Variants in SEC23A observed in about 807,000 individuals in gnomAD.
SEC23A encodes the protein SEC23 homolog A, COPII component, also known as protein transport protein Sec23A.
In SEC23A, 56 loss-of-function variants were observed where a neutral mutation model predicts 103.7. The ratio of observed to expected loss-of-function variants is 0.54; its 90% confidence interval spans 0.44 to 0.67. The LOEUF (loss-of-function observed/expected upper bound fraction) is 0.67, where lower values mean the gene tolerates loss of function less well. Among genes scored for constraint, SEC23A ranks in the 30% least tolerant of loss-of-function variants. The pLI, the probability that SEC23A is intolerant of heterozygous loss-of-function variation, is 0.00. For synonymous variants in SEC23A, 281 were observed against 293.0 expected (o/e 0.96, Z 0.42); for missense variants, 784 against 936.4 (o/e 0.84, Z 2.12).
intron 9 of SEC23A, among the ~76,000 whole-genome samples, chr14:39,073,700 C>G (rs543256480): frequency 6.8e-6 from 1 of 147,060 alleles, no homozygotes; most frequent in South Asian, 2.2e-4. Context: ...ACCTCTGCCA[C>G]CCGGGTTCAA....
chr14:39,044,441 ATATTTTACCCAT>A (rs1885761223), intron 16 of SEC23A, among the ~76,000 whole-genome samples: 1 of 151,414 alleles, frequency 6.6e-6, no homozygotes, highest in Non-Finnish European at 1.5e-5. Context: ...ACGAAATAAA[ATATTTTACCCAT>A]TATTTTACAA....
At chr14:39,041,798 G>A (rs917587268) in intron 17 of SEC23A, among the ~76,000 whole-genome samples, 5 of 150,614 alleles carry the variant, frequency 3.3e-5, no homozygotes, top group African/African-American at 9.7e-5. Flanking sequence ...GAACCCGGGA[G>A]GCAGAGGCTG....
intron 7 of SEC23A, 31 bp downstream of exon 7, chr14:39,085,729 CTT>C (rs1887420384): frequency 6.3e-7 from 1 of 1,576,226 alleles, no homozygotes; most frequent in Non-Finnish European, 8.7e-7. Flanking sequence ...CACACACACA[CTT>C]TACATTCCAA....
intron 4 of SEC23A, 147 bp from the exon 5 acceptor site, chr14:39,091,860 G>A (rs759295737): frequency 2.8e-5 from 19 of 670,558 alleles, no homozygotes; most frequent in Non-Finnish European, 4.7e-5. Flanking sequence ...TACTGTCATG[G>A]AGAGAGATCT....
In SEC23A at chr14:39,055,430, CAG is replaced by C. The variant is rs1465631368; in HGVS notation, c.1506-136_1506-135del. ...CTAGGATTTTTTTTTTTTTTTGAGA[CAG>C]AGTCTCGCTCTGTCACCTAGGCTGC... is the stretch of plus-strand genomic sequence containing the variant. On this transcript the variant is annotated intron_variant, in intron 13 of 19. Transcript: ENST00000307712. 1.2e-5 allele frequency: 9 copies of C among 768,158 alleles called. No individual in the cohort carries two copies. The East Asian group carries it at 1.8e-4, about 15-fold the overall frequency. The allele number at this position is 768,158 out of a possible 1,614,324, so 47.6% of individuals were successfully genotyped here.
At chr14:39,034,039 A>C (rs1885386087) in intron 19 of SEC23A, among the ~76,000 whole-genome samples, 1 of 152,236 alleles carries the variant, frequency 6.6e-6, no homozygotes, top group Non-Finnish European at 1.5e-5. Flanking sequence ...GTGAGATGAG[A>C]ACTTATAGCT....
At chr14:39,095,518 G>A (rs376967645) in intron 2 of SEC23A, among the ~76,000 whole-genome samples, 60 of 151,924 alleles carry the variant, frequency 3.9e-4, no homozygotes, top group Admixed American at 1.3e-3. Flanking sequence ...GGCTGGTCTC[G>A]AACTCCTGAC....
rs758424981 is a variant in SEC23A, at chr14:39,039,085, G to A, written c.2154C>T (p.Leu718=). The change falls in exon 19 of 20, where the codon CTC becomes CTT. Residue 718 remains leucine (L), a synonymous_variant. Coordinates refer to ENST00000307712, the MANE Select transcript of SEC23A (RefSeq NM_006364.4). ...TEHGGSQARF[L]LSKVNPSQTH... ...TCTGTGAAGGGTTGACTTTTGAAAG[G>A]AGGAAACGGGCCTTAAAAGCAAAGA... The A allele has an allele frequency of 5.6e-6, 9 of 1,613,446 alleles. No homozygotes were observed. In the Admixed American group the frequency reaches 1.3e-4, roughly 24 times the overall value.
chr14:39,094,436 ATATATATTTT>A (rs1259347349), intron 2 of SEC23A, among the ~76,000 whole-genome samples: 327 of 21,518 alleles, frequency 0.015, 58 homozygotes, highest in Middle Eastern at 0.025. Context: ...ATATATATAT[ATATATATTTT>A]TTTTTTTTTT....
At chr14:39,100,833 G>A (rs1167238379) in intron 1 of SEC23A, among the ~76,000 whole-genome samples, 1 of 151,946 alleles carries the variant, frequency 6.6e-6, no homozygotes, top group Non-Finnish European at 1.5e-5. Context: ...TTAGAATGCA[G>A]ACTTAGCATA....
At chr14:39,083,844 C>A (rs1437431771) in intron 7 of SEC23A, among the ~76,000 whole-genome samples, 1 of 151,864 alleles carries the variant, frequency 6.6e-6, no homozygotes, top group Non-Finnish European at 1.5e-5. Context: ...GGATTACAGG[C>A]GTGAGCCAAC....
At chr14:39,084,398 G>T (rs1373490159) in intron 7 of SEC23A, among the ~76,000 whole-genome samples, 2 of 152,090 alleles carry the variant, frequency 1.3e-5, no homozygotes, top group Non-Finnish European at 2.9e-5. Flanking sequence ...TCCACTTATT[G>T]TATCACTGTT....
intron 7 of SEC23A, among the ~76,000 whole-genome samples, chr14:39,077,420 G>A (rs367973886): frequency 1.5e-4 from 22 of 151,708 alleles, no homozygotes; most frequent in African/African-American, 5.3e-4. Flanking sequence ...GCGGGCGCCT[G>A]TAATTCCAGC....
intron 2 of SEC23A, among the ~76,000 whole-genome samples, chr14:39,093,817 A>G (rs1887748512): frequency 6.6e-6 from 1 of 151,898 alleles, no homozygotes; most frequent in African/African-American, 2.4e-5. Flanking sequence ...AAATAATCCT[A>G]TTTTTTTCTT....
intron 17 of SEC23A, among the ~76,000 whole-genome samples, chr14:39,042,319 T>TGC (rs1278372477): frequency 1.3e-5 from 2 of 152,274 alleles, no homozygotes; most frequent in African/African-American, 4.8e-5. Flanking sequence ...TAAAATCTTC[T>TGC]GCTCTCTGTA....
chr14:39,083,798 C>T (rs1222717644), intron 7 of SEC23A, among the ~76,000 whole-genome samples: 2 of 151,770 alleles, frequency 1.3e-5, no homozygotes, highest in Non-Finnish European at 2.9e-5. Flanking sequence ...CTCCTGACCT[C>T]AAGAGATCCA....
chr14:39,039,508 C>T (rs1885565392), intron 18 of SEC23A: 1 of 177,300 alleles, frequency 5.6e-6, no homozygotes, highest in South Asian at 1.3e-4. Context: ...TCTTAAACCA[C>T]AGGTGATTCT....
chr14:39,036,192 T>C (rs1424406831), intron 19 of SEC23A, among the ~76,000 whole-genome samples: 1 of 151,640 alleles, frequency 6.6e-6, no homozygotes, highest in East Asian at 1.9e-4. Context: ...TATGGTGGTG[T>C]GTGCCTGTAG....
intron 15 of SEC23A, among the ~76,000 whole-genome samples, chr14:39,046,959 T>C (rs1219609578): frequency 6.6e-6 from 1 of 152,208 alleles, no homozygotes; most frequent in Non-Finnish European, 1.5e-5. Flanking sequence ...GAAATTCTGA[T>C]TCCTATTCTG....
Sources: gnomAD v4.1 joint callset for allele counts (sites outside exome capture counted in the v4.1 genomes callset) on GRCh38, gnomAD v4.1.1 for gene constraint, MANE v1.5 for transcripts, NCBI Gene and HGNC (gene_info 2026-07-23, HGNC 2026-07-21) for gene names.